The following DOCK4 variants were observed in gnomAD, a reference collection of about 807,000 sequenced individuals.
The protein encoded by DOCK4 is dedicator of cytokinesis protein 4.
A neutral mutation model predicts 268.1 loss-of-function variants in DOCK4; 97 were observed. The observed-to-expected ratio is 0.36, with a 90% CI of 0.31 to 0.43. The LOEUF (loss-of-function observed/expected upper bound fraction) is 0.43. DOCK4 is among the 20% of genes least tolerant of loss of function. The probability of loss-of-function intolerance (pLI) is 1.00; values close to 1 mark genes in which losing one functional copy is unlikely to be tolerated. For synonymous variants in DOCK4, 954 were observed against 887.2 expected, an observed-to-expected ratio of 1.08 and a Z score of -1.34; for missense variants, 2,145 against 2,455.7, an observed-to-expected ratio of 0.87 and a Z score of 2.67.
chr7:112,122,510 A>G (rs1454697563), intron 1 of DOCK4, among the ~76,000 whole-genome samples: 15 of 152,068 alleles, frequency 9.9e-5, no homozygotes, highest in Admixed American at 9.2e-4. Context: ...GCCTCAAGCA[A>G]TCCACACACC....
intron 17 of DOCK4, 127 bp from the exon 18 acceptor site, chr7:111,872,691 G>T: frequency 2.9e-6 from 2 of 682,572 alleles, no homozygotes; most frequent in Non-Finnish European, 4.8e-6. Flanking sequence ...TCAAGTTGCA[G>T]GCTCCCACAA....
intron 1 of DOCK4, among the ~76,000 whole-genome samples, chr7:112,128,341 G>A (rs2116044744): frequency 6.6e-6 from 1 of 152,212 alleles, no homozygotes; most frequent in Admixed American, 6.5e-5. Context: ...CGGGAGGTGA[G>A]GGGCGCCTCT....
chr7:112,179,647 T>A (rs1818853642), intron 1 of DOCK4, among the ~76,000 whole-genome samples: 1 of 152,008 alleles, frequency 6.6e-6, no homozygotes, highest in Admixed American at 6.6e-5. Flanking sequence ...TTTTCTAGAA[T>A]CACTATGTGA....
chr7:111,772,506 CA>C (rs1299080189), intron 36 of DOCK4, among the ~76,000 whole-genome samples: 2 of 152,072 alleles, frequency 1.3e-5, no homozygotes, highest in African/African-American at 4.8e-5. Context: ...AATTAAAAAA[CA>C]AAAAGAGGCC....
chr7:112,165,560 G>GTGTGTGCA (rs1554467818), intron 1 of DOCK4, among the ~76,000 whole-genome samples: 2 of 63,284 alleles, frequency 3.2e-5, no homozygotes, highest in South Asian at 1.2e-3. Flanking sequence ...GTGTGTGTGT[G>GTGTGTGCA]CGTGTGTGTG....
intron 1 of DOCK4, among the ~76,000 whole-genome samples, chr7:112,129,695 A>G (rs1347881813): frequency 6.6e-6 from 1 of 152,174 alleles, no homozygotes; most frequent in African/African-American, 2.4e-5. Context: ...TATAATTATA[A>G]TTATTTCAAA....
At chr7:112,195,076 C>T (rs1170247648) in intron 1 of DOCK4, among the ~76,000 whole-genome samples, 5 of 152,030 alleles carry the variant, frequency 3.3e-5, no homozygotes, top group Admixed American at 2.0e-4. Flanking sequence ...GTCAGGAGTT[C>T]GAGACCAGCC....
chr7:112,021,610 A>G (rs898653369), intron 1 of DOCK4, among the ~76,000 whole-genome samples: 17 of 152,232 alleles, frequency 1.1e-4, no homozygotes, highest in Non-Finnish European at 1.5e-5. Flanking sequence ...TCATCCAAAA[A>G]GGATCCCATC....
chr7:111,975,902 G>T (rs1453763439), intron 8 of DOCK4, among the ~76,000 whole-genome samples: 1 of 151,366 alleles, frequency 6.6e-6, no homozygotes, highest in East Asian at 2.0e-4. Flanking sequence ...AGTGACTCAC[G>T]CCTGTAATCC....
At chr7:112,058,844 T>C (rs1806091288) in intron 1 of DOCK4, among the ~76,000 whole-genome samples, 1 of 151,986 alleles carries the variant, frequency 6.6e-6, no homozygotes, top group Non-Finnish European at 1.5e-5. Flanking sequence ...GATCACACTG[T>C]CCTGAAAACT....
intron 1 of DOCK4, among the ~76,000 whole-genome samples, chr7:112,151,961 T>TAAAA (rs57613263): frequency 9.1e-5 from 12 of 131,200 alleles, no homozygotes; most frequent in Non-Finnish European, 2.0e-4. Flanking sequence ...AAACTGTTAT[T>TAAAA]AAAAAAAAAA....
intron 23 of DOCK4, among the ~76,000 whole-genome samples, chr7:111,850,455 T>A (rs1804455695): frequency 1.3e-5 from 2 of 152,012 alleles, no homozygotes; most frequent in Admixed American, 1.3e-4. Flanking sequence ...CCCCCACACC[T>A]ATCACCATGA....
intron 1 of DOCK4, among the ~76,000 whole-genome samples, chr7:112,033,080 G>A (rs192048827): frequency 6.6e-6 from 1 of 152,152 alleles, no homozygotes; most frequent in Admixed American, 6.5e-5. Context: ...AAGAGACACA[G>A]TATATTTTAA....
At chr7:111,758,579 G>A (rs183937123) in intron 41 of DOCK4, 45 bp downstream of exon 41, 19 of 1,600,690 alleles carry the variant, frequency 1.2e-5, no homozygotes, top group South Asian at 1.0e-4. Flanking sequence ...CAAGGGGCTC[G>A]CAGTCTATCT....
intron 1 of DOCK4, among the ~76,000 whole-genome samples, chr7:112,021,113 C>G (rs1244618030): frequency 2.0e-5 from 3 of 152,118 alleles, no homozygotes; most frequent in East Asian, 3.9e-4. Flanking sequence ...ACGCCCAAAG[C>G]CATTATGATT....
intron 1 of DOCK4, among the ~76,000 whole-genome samples, chr7:112,057,525 T>C (rs949925149): frequency 6.6e-5 from 10 of 151,292 alleles, no homozygotes; most frequent in Non-Finnish European, 1.5e-4. Context: ...CACTCCAGCT[T>C]GGGTGACAAA....
intron 8 of DOCK4, among the ~76,000 whole-genome samples, chr7:111,957,303 T>C (rs1359365935): frequency 1.3e-5 from 2 of 152,174 alleles, no homozygotes; most frequent in African/African-American, 2.4e-5. Context: ...AAATGTGAAA[T>C]ACTTTTGTAA....
At chr7:112,169,229 C>T (rs979237861) in intron 1 of DOCK4, among the ~76,000 whole-genome samples, 14 of 152,262 alleles carry the variant, frequency 9.2e-5, no homozygotes, top group African/African-American at 2.6e-4. Context: ...CTGAGGTCTC[C>T]CCAGCCATGC....
chr7:111,776,592 TGAG>T (rs764268383), intron 36 of DOCK4, among the ~76,000 whole-genome samples: 3 of 152,010 alleles, frequency 2.0e-5, no homozygotes, highest in Non-Finnish European at 4.4e-5. Context: ...GTCCTCAAAA[TGAG>T]GAGAAGAACT....
Sources: gnomAD v4.1 joint callset for allele counts (sites outside exome capture counted in the v4.1 genomes callset) on GRCh38, gnomAD v4.1.1 for gene constraint, MANE v1.5 for transcripts, NCBI Gene and HGNC (gene_info 2026-07-23, HGNC 2026-07-21) for gene names.